The following ADAMTS9 variants were observed in gnomAD, a reference collection of about 807,000 sequenced individuals.
ADAMTS9 encodes ADAM metallopeptidase with thrombospondin type 1 motif 9, also known as A disintegrin and metalloproteinase with thrombospondin motifs 9.
Under a neutral mutation model 257.1 loss-of-function variants are expected in ADAMTS9, and 107 were observed. The observed-to-expected ratio is 0.42, with a 90% CI of 0.36 to 0.49. The LOEUF (loss-of-function observed/expected upper bound fraction) is 0.49. ADAMTS9 is among the 20% of genes least tolerant of loss of function. The pLI is 0.03. For missense variants in ADAMTS9, 2,353 were observed against 2,469.1 expected (o/e 0.95, Z 1.00); for synonymous variants, 982 against 880.9 (o/e 1.11, Z -2.03).
At chr3:64,624,369 A>T (rs552492577) in intron 16 of ADAMTS9, among the ~76,000 whole-genome samples, 1 of 152,284 alleles carries the variant, frequency 6.6e-6, no homozygotes, top group South Asian at 2.1e-4. Flanking sequence ...TACATTAATT[A>T]GGTTGGTTTT....
At chr3:64,541,646 A>G (rs1345914682) in intron 33 of ADAMTS9, 26 bp from the exon 34 acceptor site, 1 of 1,590,054 alleles carries the variant, frequency 6.3e-7, no homozygotes, top group Non-Finnish European at 8.6e-7. Context: ...CACAAAAAAT[A>G]GGGTGTGATG....
intron 38 of ADAMTS9, among the ~76,000 whole-genome samples, chr3:64,529,276 G>C (rs920790689): frequency 3.9e-5 from 6 of 152,258 alleles, no homozygotes; most frequent in Non-Finnish European, 8.8e-5. Context: ...ATTTTGACCA[G>C]TTCTGCTCTT....
chr3:64,613,279 T>C (rs1576117668), intron 22 of ADAMTS9, 66 bp downstream of exon 22: 1 of 1,568,876 alleles, frequency 6.4e-7, no homozygotes, highest in East Asian at 2.3e-5. Context: ...GGAATGCTCC[T>C]TTGCAAGTCC....
intron 28 of ADAMTS9, among the ~76,000 whole-genome samples, chr3:64,578,496 G>A (rs760429875): frequency 6.6e-6 from 1 of 152,202 alleles, no homozygotes; most frequent in South Asian, 2.1e-4. Context: ...GCAGAAGGGT[G>A]TAGTGGCTAT....
intron 11 of ADAMTS9, among the ~76,000 whole-genome samples, chr3:64,643,823 T>C (rs963666702): frequency 2.0e-5 from 3 of 152,038 alleles, no homozygotes; most frequent in African/African-American, 7.2e-5. Context: ...AATCCTGGGA[T>C]GTATTTTATA....
At chr3:64,537,091 C>T (rs2083061246) in intron 37 of ADAMTS9, among the ~76,000 whole-genome samples, 1 of 152,178 alleles carries the variant, frequency 6.6e-6, no homozygotes, top group Non-Finnish European at 1.5e-5. Flanking sequence ...GTAGCTGGTG[C>T]TCAATATGTG....
chr3:64,595,704 C>T (rs887423339), intron 27 of ADAMTS9, among the ~76,000 whole-genome samples: 5 of 152,156 alleles, frequency 3.3e-5, no homozygotes, highest in African/African-American at 4.8e-5. Flanking sequence ...CCTATGACTA[C>T]TAGGTTATAT....
In ADAMTS9 at chr3:64,549,652, A is replaced by T. The variant is rs193269027; in HGVS notation, c.4869+1240T>A. Reference sequence around the variant, plus strand: ...GTTTCCCAGCCTCAGCACCACTGACATTTGGGCCAGATAATTCTGTATTGT... The same window carrying T: ...GTTTCCCAGCCTCAGCACCACTGACTTTTGGGCCAGATAATTCTGTATTGT... On this transcript the variant is annotated intron_variant, in intron 31 of 39. Transcript: ENST00000498707. Among the ~76,000 whole-genome samples the T allele has an allele frequency of 4.5e-3, 684 of 152,112 alleles. 9 individuals carry two copies. The highest frequency in any genetic ancestry group is 0.015 in the African/African-American group (622 of 41,504).
rs770554961 is a variant in ADAMTS9 at position 64,604,260 on chromosome 3, T to C, written c.3546A>G (p.Pro1182=). The change falls in exon 24 of 40, where the codon CCA becomes CCG. Residue 1182 remains proline, a synonymous_variant. Transcript: ENST00000498707. ...PETRRSTYSA[P]RTQWRFGSWT... is the part of the protein sequence containing the mutation. ...AAGACCCAAATCGCCACTGGGTTCT[T>C]GGTGCACTGTATGTGCTTCTCCTCG... The C allele has an allele frequency of 1.9e-6, 3 of 1,613,594 alleles. No individual in the cohort carries two copies. Among genetic ancestry groups the C allele is most frequent in the African/African-American group, 2.7e-5 (2 of 74,880 alleles).
At chr3:64,650,985 A>G in intron 9 of ADAMTS9, 32 bp downstream of exon 9, 1 of 1,580,088 alleles carries the variant, frequency 6.3e-7, no homozygotes, top group East Asian at 2.4e-5. Flanking sequence ...CAGGCACTAG[A>G]AGTTTGTGCT....
intron 29 of ADAMTS9, among the ~76,000 whole-genome samples, chr3:64,567,272 C>T (rs1326391253): frequency 6.6e-6 from 1 of 152,122 alleles, no homozygotes; most frequent in Non-Finnish European, 1.5e-5. Context: ...ATTCTAGGCT[C>T]TGGAAGAATC....
At position 64,655,563 on chromosome 3, in the gene ADAMTS9, G is replaced by A; in HGVS notation, c.1169+13C>T. ...TGAGACTGAAAGATCTGAGGAATAA[G>A]AAATCCATATACCTTGTTAAGAGAA... is the stretch of plus-strand genomic sequence containing the variant. On this transcript the variant is annotated intron_variant, in intron 6 of 39. Coordinates refer to ENST00000498707, the MANE Select transcript of ADAMTS9 (RefSeq NM_182920.2). The A allele has an allele frequency of 6.3e-7, 1 of 1,596,436 alleles. No homozygotes were observed. Among genetic ancestry groups the A allele is most frequent in the Non-Finnish European group, 8.6e-7 (1 of 1,164,286 alleles).
intron 8 of ADAMTS9, among the ~76,000 whole-genome samples, chr3:64,652,226 A>G (rs914481940): frequency 6.6e-6 from 1 of 152,238 alleles, no homozygotes; most frequent in Admixed American, 6.5e-5. Flanking sequence ...GACTTGCATC[A>G]TATAAAAGTT....
intron 39 of ADAMTS9, among the ~76,000 whole-genome samples, chr3:64,521,025 G>A (rs1417423660): frequency 6.6e-6 from 1 of 151,944 alleles, no homozygotes; most frequent in Non-Finnish European, 1.5e-5. Flanking sequence ...CAGAATAGGA[G>A]AAAACATTTT....
chr3:64,686,511 C>G lies in ADAMTS9; in HGVS notation c.516+57G>C, dbSNP rs1701910951. ...CTCTAGGCTTAGAGGACAATTAAGT[C>G]TTCTAGAAGCGGGCGAGGAGGCGGA... On this transcript the variant is annotated intron_variant, in intron 2 of 39. Transcript: ENST00000498707. This position sits in a 1 kb window ranked among gnomAD's most constrained non-coding sequence, Gnocchi z 4.6. 5.9e-6 allele frequency: 9 copies of G among 1,515,424 alleles called. No individual in the cohort carries two copies. The East Asian group carries it at 2.2e-4, about 37-fold the overall frequency. The allele number at this position is 1,515,424 out of a possible 1,614,324, so 93.9% of individuals were successfully genotyped here.
chr3:64,658,373 C>T, intron 4 of ADAMTS9, 129 bp downstream of exon 4: 1 of 945,004 alleles, frequency 1.1e-6, no homozygotes, highest in South Asian at 1.8e-5. Flanking sequence ...ATCTTATGTT[C>T]TCTTCAGTCA....
chr3:64,657,898 G>A (rs1378850894), intron 4 of ADAMTS9, among the ~76,000 whole-genome samples: 1 of 152,020 alleles, frequency 6.6e-6, no homozygotes, highest in Non-Finnish European at 1.5e-5. Flanking sequence ...AATTTACTGT[G>A]GTTTTAATTC....
chr3:64,527,363 C>A (rs560821439), intron 38 of ADAMTS9, among the ~76,000 whole-genome samples: 15 of 152,206 alleles, frequency 9.9e-5, no homozygotes, highest in African/African-American at 3.4e-4. Flanking sequence ...ATGAGGAAGG[C>A]AGATTGGCTT....
At chr3:64,535,552 C>CTTTT (rs57945713) in intron 37 of ADAMTS9, among the ~76,000 whole-genome samples, 65 of 84,254 alleles carry the variant, frequency 7.7e-4, no homozygotes, top group Non-Finnish European at 1.2e-3. Context: ...CTTTTCTTTT[C>CTTTT]TTTTTTTTTT....
Sources: gnomAD v4.1 joint callset for allele counts (sites outside exome capture counted in the v4.1 genomes callset) on GRCh38, gnomAD v4.1.1 for gene constraint, Gnocchi (gnomAD v3.1) non-coding constraint, MANE v1.5 for transcripts, NCBI Gene and HGNC (gene_info 2026-07-23, HGNC 2026-07-21) for gene names.